Variants in DLGAP1 observed in about 807,000 individuals in gnomAD.
The protein encoded by DLGAP1 is disks large-associated protein 1.
A neutral mutation model predicts 90.8 loss-of-function variants in DLGAP1; 11 were observed. The observed-to-expected ratio is 0.12, with a 90% CI of 0.08 to 0.20. The LOEUF (loss-of-function observed/expected upper bound fraction) is 0.20. Among genes scored for constraint, DLGAP1 ranks in the 10% least tolerant of loss-of-function variants. The pLI is 1.00. For synonymous variants in DLGAP1, 558 were observed against 540.7 expected (o/e 1.03, Z -0.44); for missense variants, 1,050 against 1,333.8 (o/e 0.79, Z 3.31).
At chr18:3,758,109 G>GAAA (rs1318845697) in intron 5 of DLGAP1, among the ~76,000 whole-genome samples, 1 of 72,038 alleles carries the variant, frequency 1.4e-5, no homozygotes, top group African/African-American at 4.8e-5. Context: ...TCTATCTTGA[G>GAAA]AAAAAAAAAA....
chr18:3,597,091 CT>C (rs760261950), intron 7 of DLGAP1: 465 of 494,892 alleles, frequency 9.4e-4, no homozygotes, highest in South Asian at 2.2e-3. Flanking sequence ...CCTCGTTACT[CT>C]TTTTTTTTTC....
At chr18:3,583,143 G>GACCGACCT (rs1357425317) in intron 7 of DLGAP1, among the ~76,000 whole-genome samples, 100 of 113,720 alleles carry the variant, frequency 8.8e-4, no homozygotes, top group Non-Finnish European at 1.8e-3. Context: ...CTGACTGACC[G>GACCGACCT]ACCTACCTAC....
chr18:3,682,255 C>T (rs977640248), intron 7 of DLGAP1, among the ~76,000 whole-genome samples: 1 of 152,196 alleles, frequency 6.6e-6, no homozygotes, highest in African/African-American at 2.4e-5. Flanking sequence ...CACCTGCCCC[C>T]TCTTCACCTT....
At chr18:3,505,541 G>C (rs892014907) in intron 11 of DLGAP1, among the ~76,000 whole-genome samples, 3 of 151,366 alleles carry the variant, frequency 2.0e-5, no homozygotes, top group Admixed American at 1.3e-4. Flanking sequence ...GGGAGGCTGA[G>C]GCAGGAGAAT....
At chr18:3,796,561 G>A (rs533926120) in intron 5 of DLGAP1, among the ~76,000 whole-genome samples, 1 of 152,318 alleles carries the variant, frequency 6.6e-6, no homozygotes, top group African/African-American at 2.4e-5. Context: ...AGGCCCTAAA[G>A]AGAGGGAACA....
At chr18:4,164,024 G>T (rs2076891761) in intron 1 of DLGAP1, among the ~76,000 whole-genome samples, 1 of 152,096 alleles carries the variant, frequency 6.6e-6, no homozygotes, top group Non-Finnish European at 1.5e-5. Context: ...ACTAGCACGG[G>T]TGAGTGGAAA....
At chr18:4,025,990 C>G (rs1599345661) in intron 2 of DLGAP1, among the ~76,000 whole-genome samples, 1 of 152,256 alleles carries the variant, frequency 6.6e-6, no homozygotes. Flanking sequence ...TTTCTCTTCC[C>G]AGGAAGTGAA....
chr18:3,803,921 T>C (rs1425704679), intron 5 of DLGAP1, among the ~76,000 whole-genome samples: 1 of 141,564 alleles, frequency 7.1e-6, no homozygotes, highest in African/African-American at 2.6e-5. Flanking sequence ...GCTATCAGGA[T>C]AGATGATATT....
intron 7 of DLGAP1, chr18:3,654,795 A>C (rs1200244441): frequency 6.6e-6 from 1 of 152,214 alleles, no homozygotes; most frequent in Non-Finnish European, 1.5e-5. Context: ...ACAGGCCTGC[A>C]ACATGCACTT....
intron 2 of DLGAP1, among the ~76,000 whole-genome samples, chr18:4,073,251 A>T (rs999326954): frequency 6.6e-6 from 1 of 152,206 alleles, no homozygotes; most frequent in Non-Finnish European, 1.5e-5. Flanking sequence ...ACTCATAACC[A>T]ATTTTTTGAA....
At chr18:4,410,869 G>C (rs2082762850) in intron 1 of DLGAP1, among the ~76,000 whole-genome samples, 2 of 152,162 alleles carry the variant, frequency 1.3e-5, no homozygotes. Context: ...GTACCACAGA[G>C]AATCCCCACT....
At chr18:3,721,988 T>C (rs985977369) in intron 7 of DLGAP1, 2 of 152,198 alleles carry the variant, frequency 1.3e-5, no homozygotes, top group African/African-American at 4.8e-5. Context: ...CTATTATCAT[T>C]ATTATTAAAC....
intron 1 of DLGAP1, among the ~76,000 whole-genome samples, chr18:4,240,628 T>C (rs1012285964): frequency 2.0e-5 from 3 of 152,132 alleles, no homozygotes; most frequent in Non-Finnish European, 4.4e-5. Context: ...ATGAAACAAA[T>C]AGAATAAAAA....
intron 1 of DLGAP1, among the ~76,000 whole-genome samples, chr18:4,267,906 T>C (rs1220793685): frequency 6.6e-6 from 1 of 152,202 alleles, no homozygotes; most frequent in Non-Finnish European, 1.5e-5. Flanking sequence ...GACCAAAATA[T>C]ACGATGCAGT....
chr18:4,226,953 C>T (rs2078203369), intron 1 of DLGAP1, among the ~76,000 whole-genome samples: 1 of 151,588 alleles, frequency 6.6e-6, no homozygotes, highest in Non-Finnish European at 1.5e-5. Flanking sequence ...AGACTTGTTG[C>T]CTACAAGAAG....
chr18:4,044,507 C>T (rs541205300), intron 2 of DLGAP1, among the ~76,000 whole-genome samples: 1 of 152,274 alleles, frequency 6.6e-6, no homozygotes, highest in Admixed American at 6.5e-5. Flanking sequence ...CTTTGGGAGG[C>T]CGAGGCAGGT....
At chr18:4,206,088 G>A (rs2077714894) in intron 1 of DLGAP1, among the ~76,000 whole-genome samples, 1 of 152,068 alleles carries the variant, frequency 6.6e-6, no homozygotes, top group African/African-American at 2.4e-5. Context: ...ACACTTTGAC[G>A]GGAAGACACT....
Position 3,717,016 on chromosome 18 carries a change from C to T in DLGAP1, c.1591+12119G>A, listed in dbSNP as rs923434321. Among the ~76,000 whole-genome samples, 12 of 130,514 alleles carry T rather than the reference C, an allele frequency of 9.2e-5. No individual in the cohort carries two copies. The South Asian group carries it at 1.0e-3, about 11-fold the overall frequency. The allele number at this position is 130,514 out of a possible 152,430, so 85.6% of individuals were successfully genotyped here. On this transcript the variant is annotated intron_variant, in intron 7 of 12. Transcript: ENST00000315677. Reference sequence around the variant, plus strand: ...GTGGGTTGTTTCTTATGGCTTGGAGCGGTGCAAAGAGGGTGAGTTTGCCTT... The same window carrying T: ...GTGGGTTGTTTCTTATGGCTTGGAGTGGTGCAAAGAGGGTGAGTTTGCCTT...
chr18:4,229,346 C>A (rs941079402), intron 1 of DLGAP1, among the ~76,000 whole-genome samples: 1 of 151,914 alleles, frequency 6.6e-6, no homozygotes, highest in East Asian at 1.9e-4. Flanking sequence ...TATATGGAAC[C>A]AAAAAAGACC....
Sources: gnomAD v4.1 joint callset for allele counts (sites outside exome capture counted in the v4.1 genomes callset) on GRCh38, gnomAD v4.1.1 for gene constraint, MANE v1.5 for transcripts, NCBI Gene and HGNC (gene_info 2026-07-23, HGNC 2026-07-21) for gene names.